The following IFT46 variants were observed in gnomAD, a reference collection of about 807,000 sequenced individuals.
IFT46 encodes intraflagellar transport protein 46 homolog.
Under a neutral mutation model 39.6 loss-of-function variants are expected in IFT46, and 19 were observed. That is an observed-to-expected ratio of 0.48 (90% CI 0.33 to 0.70). IFT46 has a LOEUF of 0.70. Among genes scored for constraint, IFT46 ranks in the 30% least tolerant of loss-of-function variants. The pLI, the probability that IFT46 is intolerant of heterozygous loss-of-function variation, is 0.01. For missense variants in IFT46, 334 were observed against 364.8 expected, an observed-to-expected ratio of 0.92 and a Z score of 0.69; for synonymous variants, 117 against 134.8, an observed-to-expected ratio of 0.87 and a Z score of 0.91.
upstream of IFT46, among the ~76,000 whole-genome samples, chr11:118,576,438 A>AC (rs1459630451): frequency 4.1e-5 from 6 of 147,136 alleles, no homozygotes; most frequent in South Asian, 2.3e-4. Context: ...AAAAAAAAAA[A>AC]AAAAAAAAAA....
chr11:118,559,769 G>GTGA lies in IFT46; in HGVS notation c.45+13_45+15dup. The GTGA allele has an allele frequency of 6.2e-7, 1 of 1,603,338 alleles. No individual in the cohort carries two copies. The highest frequency in any genetic ancestry group is 8.5e-7 in the Non-Finnish European group (1 of 1,170,382). ...CAAAGCAGAAATTCTACAAGAAGCT[G>GTGA]TGAGTTTTACTGTACCTTGTTATTT... On this transcript the variant is annotated intron_variant, in intron 3 of 11. Transcript: ENST00000264021.
Position 118,552,279 on chromosome 11 carries a change from G to A in IFT46, c.540C>T (p.Asp180=). 6.2e-6 allele frequency: 10 copies of A among 1,614,166 alleles called. No homozygotes were observed. The highest frequency in any genetic ancestry group is 8.5e-6 in the Non-Finnish European group (10 of 1,180,000). Reference sequence around the variant, plus strand: ...ATTCAGAGATGCTCTCAATCCACGTGTCAATGGCTTTGGGATTCTTTTCTG... The same window carrying A: ...ATTCAGAGATGCTCTCAATCCACGTATCAATGGCTTTGGGATTCTTTTCTG... ...EDAEKNPKAI[D]TWIESISELH... is the part of the protein sequence containing the mutation. The change falls in exon 8 of 12, where the codon GAC becomes GAT. Residue 180 remains aspartate, a synonymous_variant. Transcript: ENST00000264021.
At chr11:118,546,486 TA>T (rs373375710) in intron 9 of IFT46, 112 of 212,448 alleles carry the variant, frequency 5.3e-4, no homozygotes, top group East Asian at 1.3e-3. Context: ...TAATACCCTG[TA>T]AAAAAAAAGG....
chr11:118,547,744 C>CTTTTTTTTTTTTTTTTTTTTTTTTT (rs1233612951), intron 9 of IFT46, among the ~76,000 whole-genome samples: 1 of 91,176 alleles, frequency 1.1e-5, no homozygotes, highest in Admixed American at 1.0e-4. Flanking sequence ...CTTTTCTTTT[C>CTTTTTTTTTTTTTTTTTTTTTTTTT]TTTTTTTTTT....
chr11:118,555,913 ACT>A (rs1470948759), intron 4 of IFT46, among the ~76,000 whole-genome samples: 1 of 150,938 alleles, frequency 6.6e-6, no homozygotes, highest in Admixed American at 6.6e-5. Flanking sequence ...ACAAAGCAAG[ACT>A]CTGTCTCAAA....
At chr11:118,550,227 G>A (rs553843402) in intron 9 of IFT46, among the ~76,000 whole-genome samples, 4 of 152,242 alleles carry the variant, frequency 2.6e-5, no homozygotes, top group East Asian at 1.9e-4. Context: ...GTGAGCCACC[G>A]CGCCTGGCCT....
intron 6 of IFT46, 56 bp from the exon 7 acceptor site, chr11:118,554,643 G>A (rs1007924281): frequency 6.5e-7 from 1 of 1,531,612 alleles, no homozygotes. Context: ...TAAGTTAAGA[G>A]GAAGAACACT....
At chr11:118,562,787 T>C (rs186447773) in intron 2 of IFT46, among the ~76,000 whole-genome samples, 1 of 152,296 alleles carries the variant, frequency 6.6e-6, no homozygotes, top group African/African-American at 2.4e-5. Context: ...TGGCATAGGC[T>C]TGGTGCGGTG....
intron 6 of IFT46, 104 bp from the exon 7 acceptor site, chr11:118,554,691 T>G: frequency 1.1e-4 from 125 of 1,164,018 alleles, no homozygotes; most frequent in Non-Finnish European, 1.4e-4. Flanking sequence ...AAAGCATGCT[T>G]ATCATGCTGT....
chr11:118,554,865 A>T, intron 6 of IFT46, 125 bp downstream of exon 6: 1 of 755,188 alleles, frequency 1.3e-6, no homozygotes, highest in Non-Finnish European at 2.2e-6. Context: ...GAGCAAGGTT[A>T]AGAACTCCAA....
intron 2 of IFT46, chr11:118,561,454 G>C (rs1302811605): frequency 2.5e-6 from 2 of 788,632 alleles, no homozygotes; most frequent in Non-Finnish European, 2.2e-6. Context: ...ATGAAAAGAG[G>C]CCCAAGAAAG....
At chr11:118,553,553 G>C (rs1285100569) in intron 7 of IFT46, among the ~76,000 whole-genome samples, 1 of 152,102 alleles carries the variant, frequency 6.6e-6, no homozygotes, top group Non-Finnish European at 1.5e-5. Context: ...ATTCATTGCT[G>C]GTGGGAATGT....
chr11:118,554,484 T>C lies in IFT46; in HGVS notation c.458A>G (p.Glu153Gly). ...DPTVLSLWLT[E>G]NSKQHNITQH... ...TGTGATGTTGTGCTGCTTAGAATTC[T>C]CTGTTAACCAGAGTGAGAGCACCGT... The change falls in exon 7 of 12, where the codon GAG becomes GGG. Residue 153 changes from glutamate to glycine, a missense_variant. Physicochemically the swap from Glu to Gly is moderately conservative, Grantham distance 98. Transcript: ENST00000264021. 6.2e-7 allele frequency: 1 copy of C among 1,612,494 alleles called. No homozygotes were observed. Among genetic ancestry groups the C allele is most frequent in the Non-Finnish European group, 8.5e-7 (1 of 1,179,464 alleles).
chr11:118,576,484 C>G (rs1754447277), upstream of IFT46, among the ~76,000 whole-genome samples: 1 of 148,068 alleles, frequency 6.8e-6, no homozygotes, highest in Non-Finnish European at 1.5e-5. Flanking sequence ...TTAATTCTTC[C>G]TCAGAGAAAA....
chr11:118,559,512 C>T (rs1411497665), intron 3 of IFT46, among the ~76,000 whole-genome samples: 1 of 152,140 alleles, frequency 6.6e-6, no homozygotes, highest in Non-Finnish European at 1.5e-5. Flanking sequence ...AAAATAAGTA[C>T]CTCAGTTGAG....
upstream of IFT46, among the ~76,000 whole-genome samples, chr11:118,567,456 A>C (rs960585308): frequency 8.6e-5 from 13 of 150,780 alleles, no homozygotes; most frequent in Non-Finnish European, 1.2e-4. Context: ...CGCGCCTGTA[A>C]TCCCAGCCAC....
chr11:118,554,698 C>CT, intron 6 of IFT46, 111 bp from the exon 7 acceptor site: 2 of 1,188,354 alleles, frequency 1.7e-6, no homozygotes, highest in South Asian at 1.5e-5. Flanking sequence ...GCTTATCATG[C>CT]TGTACGCAAT....
At chr11:118,565,530 CG>C (rs1938200441) in intron 1 of IFT46, 1 of 149,796 alleles carries the variant, frequency 6.7e-6, no homozygotes, top group Admixed American at 6.7e-5. Flanking sequence ...GGAGGGTCCC[CG>C]AAGAGAGGGG....
intron 9 of IFT46, among the ~76,000 whole-genome samples, chr11:118,548,783 A>G (rs1555067790): frequency 1.4e-4 from 20 of 144,646 alleles, no homozygotes; most frequent in African/African-American, 4.8e-4. Flanking sequence ...GAGCCACTGC[A>G]CCTGGCCTTT....
Sources: gnomAD v4.1 joint callset for allele counts (sites outside exome capture counted in the v4.1 genomes callset) on GRCh38, gnomAD v4.1.1 for gene constraint, MANE v1.5 for transcripts, NCBI Gene and HGNC (gene_info 2026-07-23, HGNC 2026-07-21) for gene names.